The following KATNIP variants were observed in gnomAD, a reference collection of about 807,000 sequenced individuals.
KATNIP encodes the protein katanin-interacting protein.
In KATNIP, 126 loss-of-function variants were observed where a neutral mutation model predicts 174.0. The ratio of observed to expected loss-of-function variants is 0.72; its 90% CI spans 0.63 to 0.84. KATNIP has a LOEUF of 0.84. KATNIP is among the 40% of genes least tolerant of loss of function. The pLI, the probability that KATNIP is intolerant of heterozygous loss-of-function variation, is 0.00. For missense variants in KATNIP, 1,958 were observed against 2,109.7 expected (o/e 0.93, Z 1.41); for synonymous variants, 810 against 835.7 (o/e 0.97, Z 0.53).
rs1286480753 is a variant in KATNIP, at chr16:27,777,772, T to G, written c.4712+2T>G. On this transcript the variant is annotated splice_donor_variant, in intron 26 of 27. Transcript: ENST00000261588. LOFTEE classifies it high-confidence loss of function. The surrounding 1 kb of genome is among the most constrained non-coding windows in gnomAD (Gnocchi z 4.4). ...CCAGGAGAAACACACCACCATCAGG[T>G]AGGGCCCCAGCCGGCCCCATGGCCT... 6.2e-7 allele frequency: 1 copy of G among 1,613,232 alleles called. No homozygotes were observed. Among genetic ancestry groups the G allele is most frequent in the East Asian group, 2.2e-5 (1 of 44,862 alleles).
At chr16:27,654,700 C>T (rs1373043129) in intron 6 of KATNIP, 4 of 1,351,966 alleles carry the variant, frequency 3.0e-6, no homozygotes, top group Non-Finnish European at 3.9e-6. Context: ...GCAGCGTGGA[C>T]AAAGAAAGGA....
intron 6 of KATNIP, among the ~76,000 whole-genome samples, chr16:27,665,579 C>CTAA (rs2077651866): frequency 6.6e-6 from 1 of 151,904 alleles, no homozygotes; most frequent in Non-Finnish European, 1.5e-5. Context: ...TGAGAACAGA[C>CTAA]TAATATACCA....
At chr16:27,621,853 C>A (rs565338086) in intron 3 of KATNIP, among the ~76,000 whole-genome samples, 5 of 151,982 alleles carry the variant, frequency 3.3e-5, no homozygotes, top group African/African-American at 1.2e-4. Flanking sequence ...AGGACAACAT[C>A]AAGGGGATGC....
intron 1 of KATNIP, among the ~76,000 whole-genome samples, chr16:27,573,666 G>A (rs1447979057): frequency 6.6e-6 from 1 of 152,206 alleles, no homozygotes; most frequent in East Asian, 1.9e-4. Context: ...ATTAAAGGCT[G>A]GAGCTTTGTT....
chr16:27,576,721 T>C (rs2090511476), intron 2 of KATNIP, among the ~76,000 whole-genome samples: 1 of 151,950 alleles, frequency 6.6e-6, no homozygotes, highest in Non-Finnish European at 1.5e-5. Context: ...TCCACCCACC[T>C]CTTCTTTCTG....
chr16:27,705,148 T>C (rs2079252979), intron 12 of KATNIP, among the ~76,000 whole-genome samples: 1 of 152,156 alleles, frequency 6.6e-6, no homozygotes, highest in Non-Finnish European at 1.5e-5. Context: ...TGGCCTCAAG[T>C]GATCCACCCA....
Position 27,749,683 on chromosome 16 carries a change from G to C in KATNIP, c.2723G>C (p.Arg908Pro). 1 of 1,612,850 alleles carries C rather than the reference G, an allele frequency of 6.2e-7. No individual in the cohort carries two copies. The highest frequency in any genetic ancestry group is 8.5e-7 in the Non-Finnish European group (1 of 1,179,368). Residue 908 changes from arginine (R) to proline (P), a missense_variant, in exon 16 of 28, where the codon CGC becomes CCC. Transcript: ENST00000261588. ...ESWSSLSAFD[R>P]SHRGRISNTE... ...TGGAGCTCCCTCAGTGCCTTCGACC[G>C]CTCCCACCGGGGACGCATCTCCAAC...
At chr16:27,575,940 C>T (rs916706432) in intron 2 of KATNIP, among the ~76,000 whole-genome samples, 1 of 152,142 alleles carries the variant, frequency 6.6e-6, no homozygotes, top group Admixed American at 6.6e-5. Flanking sequence ...AAGTGCCTGT[C>T]TTCCCACAGC....
At chr16:27,761,360 A>C in intron 18 of KATNIP, 53 bp from the exon 19 acceptor site, 1 of 1,515,970 alleles carries the variant, frequency 6.6e-7, no homozygotes, top group Non-Finnish European at 8.9e-7. Flanking sequence ...TTCATTTTAG[A>C]TGCCTCCTCT....
chr16:27,735,684 G>A (rs192156544), intron 14 of KATNIP, among the ~76,000 whole-genome samples: 2 of 152,338 alleles, frequency 1.3e-5, no homozygotes, highest in Admixed American at 6.5e-5. Flanking sequence ...TTCCTGTGGC[G>A]TAACGCAGGC....
intron 9 of KATNIP, 131 bp downstream of exon 9, chr16:27,698,631 G>T: frequency 1.1e-6 from 1 of 873,216 alleles, no homozygotes; most frequent in Non-Finnish European, 1.6e-6. Flanking sequence ...ACTCATCCGT[G>T]TTTCCACTGT....
At chr16:27,584,862 A>G (rs2090833853) in intron 2 of KATNIP, among the ~76,000 whole-genome samples, 1 of 152,168 alleles carries the variant, frequency 6.6e-6, no homozygotes, top group Non-Finnish European at 1.5e-5. Flanking sequence ...GGCAAGGAAT[A>G]TTATCCTTAT....
intron 2 of KATNIP, among the ~76,000 whole-genome samples, chr16:27,616,735 A>T (rs890486411): frequency 5.9e-5 from 9 of 151,400 alleles, no homozygotes; most frequent in African/African-American, 2.2e-4. Flanking sequence ...TCAGAAAAAA[A>T]ATAAAAAATA....
intron 1 of KATNIP, among the ~76,000 whole-genome samples, chr16:27,566,556 T>A (rs879851012): frequency 9.1e-6 from 1 of 109,560 alleles, no homozygotes; most frequent in South Asian, 2.8e-4. Context: ...GAAGTTGAAA[T>A]GGGGGTATGG....
intron 6 of KATNIP, among the ~76,000 whole-genome samples, chr16:27,653,243 A>C (rs1349895924): frequency 6.6e-6 from 1 of 152,238 alleles, no homozygotes; most frequent in Non-Finnish European, 1.5e-5. Context: ...GATACGTGAC[A>C]GGAAGACAGG....
chr16:27,750,632 C>T lies in KATNIP; in HGVS notation c.3346+326C>T, dbSNP rs553638539. The stretch of plus-strand genomic sequence containing the variant: ...TTTTTTTAGTAGAGACAGGGTTTCA[C>T]CATGTTAGCCAGGATGGTCTCGATC... On this transcript the variant is annotated intron_variant, in intron 16 of 27. Transcript: ENST00000261588. Among the ~76,000 whole-genome samples the T allele has an allele frequency of 1.2e-4, 18 of 149,434 alleles. 1 individual carries two copies. The East Asian group carries it at 3.5e-3, about 29-fold the overall frequency.
intron 12 of KATNIP, among the ~76,000 whole-genome samples, chr16:27,705,887 A>T (rs2079281117): frequency 6.6e-6 from 1 of 152,086 alleles, no homozygotes; most frequent in Admixed American, 6.5e-5. Context: ...TGTGGTGCCC[A>T]GGCTGGTCTT....
intron 14 of KATNIP, among the ~76,000 whole-genome samples, chr16:27,738,658 A>G (rs1015156756): frequency 3.3e-5 from 5 of 152,216 alleles, no homozygotes; most frequent in African/African-American, 9.7e-5. Flanking sequence ...TTATCCCATC[A>G]TCGGCATGGT....
intron 3 of KATNIP, among the ~76,000 whole-genome samples, chr16:27,622,951 G>GTCCTCCACACTCACC (rs1270999769): frequency 2.0e-5 from 3 of 151,932 alleles, no homozygotes; most frequent in African/African-American, 7.3e-5. Flanking sequence ...AATGAGCTCC[G>GTCCTCCACACTCACC]TCCTCCACAC....
Sources: gnomAD v4.1 joint callset for allele counts (sites outside exome capture counted in the v4.1 genomes callset) on GRCh38, gnomAD v4.1.1 for gene constraint, Gnocchi (gnomAD v3.1) non-coding constraint, MANE v1.5 for transcripts, NCBI Gene and HGNC (gene_info 2026-07-23, HGNC 2026-07-21) for gene names.